Variants in FRMD6 observed in about 807,000 individuals in gnomAD.
FRMD6 encodes the protein FERM domain containing 6.
In FRMD6, 37 loss-of-function variants were observed where a neutral mutation model predicts 73.2. The observed-to-expected ratio is 0.51, with a 90% CI of 0.39 to 0.66. FRMD6 has a LOEUF of 0.66. Among genes scored for constraint, FRMD6 ranks in the 30% least tolerant of loss-of-function variants. The pLI is 0.00. For missense variants in FRMD6, 714 were observed against 780.5 expected, an observed-to-expected ratio of 0.91 and a Z score of 1.02; for synonymous variants, 273 against 282.2, an observed-to-expected ratio of 0.97 and a Z score of 0.33.
chr14:51,469,956 A>T, the FRMD6 span, among the ~76,000 whole-genome samples: 7 of 152,194 alleles, frequency 4.6e-5, no homozygotes, highest in African/African-American at 1.7e-4. Context: ...CCGTCTCAAA[A>T]AAAAGAAGTT....
At chr14:51,565,151 C>G (rs565318813) in intron 1 of FRMD6, 1 of 152,356 alleles carries the variant, frequency 6.6e-6, no homozygotes, top group South Asian at 2.1e-4. Flanking sequence ...TCTGTGTACA[C>G]AGAGAGAGGA....
At chr14:51,551,489 C>T (rs1309471661) in intron 1 of FRMD6, among the ~76,000 whole-genome samples, 3 of 152,162 alleles carry the variant, frequency 2.0e-5, no homozygotes, top group Admixed American at 2.0e-4. Context: ...AATCTTAGCA[C>T]TTCGGGAGAC....
At chr14:51,617,362 G>A (rs1333270864) in intron 2 of FRMD6, among the ~76,000 whole-genome samples, 3 of 152,128 alleles carry the variant, frequency 2.0e-5, no homozygotes, top group Non-Finnish European at 4.4e-5. Flanking sequence ...GGGCTGGAGA[G>A]GTAGAGGGAA....
the FRMD6 span, among the ~76,000 whole-genome samples, chr14:51,422,243 C>T: frequency 6.6e-6 from 1 of 152,166 alleles, no homozygotes; most frequent in African/African-American, 2.4e-5. Flanking sequence ...TTTGAAAAGA[C>T]TTTCCCCCTT....
intron 1 of FRMD6, among the ~76,000 whole-genome samples, chr14:51,540,382 G>A (rs1437930992): frequency 6.6e-6 from 1 of 152,136 alleles, no homozygotes. Context: ...TGTTCCTTAT[G>A]CATCTGAAAT....
intron 1 of FRMD6, among the ~76,000 whole-genome samples, chr14:51,557,473 A>AGGGGCTAGGGC (rs1887206451): frequency 6.6e-6 from 1 of 152,114 alleles, no homozygotes; most frequent in Admixed American, 6.5e-5. Flanking sequence ...AGTGGTTATC[A>AGGGGCTAGGGC]GGGGCTAGGG....
At chr14:51,438,126 G>A in the FRMD6 span, among the ~76,000 whole-genome samples, 2 of 152,132 alleles carry the variant, frequency 1.3e-5, no homozygotes, top group African/African-American at 2.4e-5. Flanking sequence ...GAGATGTTTG[G>A]GTTAAGTGGG....
At chr14:51,448,727 A>G in the FRMD6 span, among the ~76,000 whole-genome samples, 26 of 152,302 alleles carry the variant, frequency 1.7e-4, no homozygotes, top group African/African-American at 6.3e-4. Context: ...TTCAAAAACC[A>G]TGGCCAAGCC....
intron 6 of FRMD6, among the ~76,000 whole-genome samples, chr14:51,706,705 C>T (rs749872806): frequency 6.6e-6 from 1 of 151,966 alleles, no homozygotes; most frequent in Admixed American, 6.6e-5. Flanking sequence ...CATCTAGGTG[C>T]CCAGTGCTCA....
In FRMD6 at chr14:51,644,387, A is replaced by ACACACACACACACACACACACACTCT. The variant is rs1489278384; in HGVS notation, c.-146-45303_-146-45302insACACACACACACACACACACACTCTC. On this transcript the variant is annotated intron_variant, in intron 2 of 14. Transcript: ENST00000356218. ...CACACACACACACACACACACACAC[A>ACACACACACACACACACACACACTCT]CTCACTCACTCTCTCTCTCTCTCTC... Among the ~76,000 whole-genome samples the ACACACACACACACACACACACACTCT allele has an allele frequency of 4.3e-5, 5 of 115,056 alleles. No homozygotes were observed. The East Asian group carries it at 9.5e-4, about 22-fold the overall frequency. 75.5% of individuals were successfully genotyped at this position (115,056 alleles called of 152,430 possible). A position where few individuals can be genotyped will look rare whatever the true frequency, so the allele number is the denominator to read the frequency against.
chr14:51,633,621 A>AAAAAAAAAAG lies in FRMD6; in HGVS notation c.-146-56070_-146-56069insAAAAAAAAAG, dbSNP rs143710280. On this transcript the variant is annotated intron_variant, in intron 2 of 14. Transcript: ENST00000356218. ...GTCAAAAAAAAAAAAAAAAAAAAAAAGAAATAATTATATGTCATAGTTTAA... is the reference window on the plus strand; with the variant it reads ...GTCAAAAAAAAAAAAAAAAAAAAAAAAAAAAAAAAGGAAATAATTATATGTCATAGTTTAA... Among the ~76,000 whole-genome samples the AAAAAAAAAAG allele has an allele frequency of 4.5e-4, 45 of 99,374 alleles. 2 individuals are homozygous for AAAAAAAAAAG. Among genetic ancestry groups the AAAAAAAAAAG allele is most frequent in the East Asian group, 9.8e-4 (4 of 4,098 alleles). The allele number at this position is 99,374 out of a possible 152,430, so 65.2% of individuals were successfully genotyped here.
rs78706588 is a variant in FRMD6, at chr14:51,636,622, C to T, written c.-146-53069C>T. On this transcript the variant is annotated intron_variant, in intron 2 of 14. Coordinates refer to the FRMD6 transcript ENST00000356218. Reference sequence around the variant, plus strand: ...GGATTAAAAACTATAAAATGCTGTCCAAGTGTTAGTTATCATATGAAAGGT... The same window carrying T: ...GGATTAAAAACTATAAAATGCTGTCTAAGTGTTAGTTATCATATGAAAGGT... Among the ~76,000 whole-genome samples, 77 of 152,182 alleles carry T rather than the reference C, an allele frequency of 5.1e-4. No homozygotes were observed. The East Asian group carries it at 0.015, about 29-fold the overall frequency.
At chr14:51,640,836 T>TA (rs1891777080) in intron 2 of FRMD6, among the ~76,000 whole-genome samples, 1 of 152,228 alleles carries the variant, frequency 6.6e-6, no homozygotes, top group Non-Finnish European at 1.5e-5. Flanking sequence ...TTTCATCTAT[T>TA]AAATATATTT....
At position 51,676,166 on chromosome 14, in the gene FRMD6, CTG is replaced by C. The variant is rs931183691; in HGVS notation, c.-146-13523_-146-13522del. On this transcript the variant is annotated intron_variant, in intron 1 of 13. Transcript: ENST00000344768. ...AAGCACACCACGGTCCTACAGCTGA[CTG>C]TCATCTTGGCCAGCACATTCTCTCA... 1.2e-4 allele frequency among the ~76,000 whole-genome samples: 19 copies of C among 152,176 alleles called. No individual in the cohort carries two copies. The East Asian group carries it at 3.7e-3, about 29-fold the overall frequency.
chr14:51,613,044 G>A (rs975315819), intron 2 of FRMD6, among the ~76,000 whole-genome samples: 8 of 152,324 alleles, frequency 5.3e-5, no homozygotes, highest in Non-Finnish European at 8.8e-5. Flanking sequence ...TGACTGGAAA[G>A]TATATAGGAA....
rs1431349185 is a variant in FRMD6 at position 51,730,693 on chromosome 14, T to C, written c.*2664T>C. The C allele has an allele frequency of 6.6e-6, 1 of 152,256 alleles. No homozygotes were observed. The highest frequency in any genetic ancestry group is 1.9e-4 in the East Asian group (1 of 5,206). 9.4% of individuals were successfully genotyped at this position (152,256 alleles called of 1,614,324 possible). A position where few individuals can be genotyped will look rare whatever the true frequency, so the allele number is the denominator to read the frequency against. On this transcript the variant is annotated 3_prime_UTR_variant, in exon 14 of 14. Transcript: ENST00000344768. ...TTCTTATAGATATTTCATGGTAAGA[T>C]TAGCAGTCAATAAAGTTACTTTTTT...
chr14:51,520,065 A>G (rs1021848637), intron 1 of FRMD6, among the ~76,000 whole-genome samples: 1 of 152,262 alleles, frequency 6.6e-6, no homozygotes, highest in South Asian at 2.1e-4. Flanking sequence ...AATATTCACA[A>G]TACATATATA....
Position 51,729,450 on chromosome 14 carries a change from A to C in FRMD6, c.*1421A>C, listed in dbSNP as rs145878487. On this transcript the variant is annotated 3_prime_UTR_variant, in exon 14 of 14. Coordinates refer to ENST00000344768, the MANE Select transcript of FRMD6 (RefSeq NM_001267046.2). ...AGTGAATTTATCAATCTTTTGATGT[A>C]AAGTAAAAACGTAGTTCACACTTCA... 1.3e-3 allele frequency: 202 copies of C among 152,770 alleles called. No individual in the cohort carries two copies. The highest frequency in any genetic ancestry group is 4.6e-3 in the African/African-American group (192 of 41,564). 9.5% of individuals were successfully genotyped at this position (152,770 alleles called of 1,614,324 possible).
At chr14:51,712,398 T>C in intron 8 of FRMD6, 85 bp from the exon 9 acceptor site, 1 of 782,750 alleles carries the variant, frequency 1.3e-6, no homozygotes, top group Non-Finnish European at 2.2e-6. Context: ...ATTACTGTAT[T>C]TTGGTTTTCA....
Sources: gnomAD v4.1 joint callset for allele counts (sites outside exome capture counted in the v4.1 genomes callset) on GRCh38, gnomAD v4.1.1 for gene constraint, MANE v1.5 for transcripts, NCBI Gene and HGNC (gene_info 2026-07-23, HGNC 2026-07-21) for gene names.